Variants in ICA1 observed in about 807,000 individuals in gnomAD.
ICA1 encodes 69 kDa islet cell autoantigen.
Under a neutral mutation model 71.0 loss-of-function variants are expected in ICA1, and 40 were observed. The ratio of observed to expected loss-of-function variants is 0.56; its 90% confidence interval spans 0.44 to 0.73. The LOEUF (loss-of-function observed/expected upper bound fraction) is 0.73. ICA1 is among the 30% of genes least tolerant of loss of function. ICA1 has a pLI of 0.00. For missense variants in ICA1, 578 were observed against 576.5 expected (o/e 1.00, Z -0.03); for synonymous variants, 207 against 209.5 (o/e 0.99, Z 0.10).
chr7:8,202,615 G>T (rs955969261), intron 6 of ICA1, among the ~76,000 whole-genome samples: 1 of 152,174 alleles, frequency 6.6e-6, no homozygotes, highest in African/African-American at 2.4e-5. Flanking sequence ...CACAAGCACA[G>T]AAATGCCATT....
chr7:8,117,039 G>T (rs548563422), intron 13 of ICA1, among the ~76,000 whole-genome samples: 1 of 152,178 alleles, frequency 6.6e-6, no homozygotes, highest in Non-Finnish European at 1.5e-5. Flanking sequence ...CCCCCATGCT[G>T]TTCTCCTGAT....
chr7:8,252,609 T>C (rs1372755294), intron 1 of ICA1, among the ~76,000 whole-genome samples: 1 of 151,654 alleles, frequency 6.6e-6, no homozygotes, highest in Admixed American at 6.6e-5. Flanking sequence ...TTTGAAGACT[T>C]AGTAACAAAA....
chr7:8,158,725 C>A, intron 6 of ICA1, 73 bp from the exon 7 acceptor site: 2 of 1,427,248 alleles, frequency 1.4e-6, no homozygotes, highest in South Asian at 1.2e-5. Flanking sequence ...GAAATGAGAC[C>A]AACAGCAGGC....
chr7:8,227,216 G>T (rs1798851846), intron 4 of ICA1, among the ~76,000 whole-genome samples: 2 of 152,256 alleles, frequency 1.3e-5, no homozygotes, highest in Admixed American at 1.3e-4. Flanking sequence ...ATCTGATCGG[G>T]TTTAAAAGTG....
Position 8,234,787 on chromosome 7 carries a change from G to T in ICA1, c.17+1123C>A, listed in dbSNP as rs960044938. On this transcript the variant is annotated intron_variant, in intron 2 of 13. Coordinates refer to ENST00000402384, the MANE Select transcript of ICA1 (RefSeq NM_001136020.3). The surrounding 1 kb of genome is among the most constrained non-coding windows in gnomAD (Gnocchi z 4.5). ...TTATGTAAAAGATAATCTCTCTATA[G>T]AATATGCACATTAAAAGGTTGGAAG... Among the ~76,000 whole-genome samples, 14 of 152,128 alleles carry T rather than the reference G, an allele frequency of 9.2e-5. No homozygotes were observed. Among genetic ancestry groups the T allele is most frequent in the African/African-American group, 3.1e-4 (13 of 41,422 alleles).
chr7:8,148,381 T>G (rs895664935), intron 8 of ICA1, among the ~76,000 whole-genome samples: 2 of 152,172 alleles, frequency 1.3e-5, no homozygotes, highest in Non-Finnish European at 2.9e-5. Flanking sequence ...CACCAAGAAT[T>G]GGGTAAAGAA....
intron 6 of ICA1, among the ~76,000 whole-genome samples, chr7:8,184,232 A>G (rs1041662480): frequency 3.3e-5 from 5 of 152,178 alleles, no homozygotes; most frequent in Admixed American, 1.3e-4. Context: ...TGCATTTCCT[A>G]TGGAAAATGC....
chr7:8,153,995 A>AT (rs1800611332), intron 8 of ICA1, among the ~76,000 whole-genome samples: 3 of 151,712 alleles, frequency 2.0e-5, no homozygotes, highest in Non-Finnish European at 4.4e-5. Flanking sequence ...TCAGATTAAA[A>AT]TTTTTTAAAT....
At chr7:8,233,622 C>G (rs1800942166) in intron 2 of ICA1, among the ~76,000 whole-genome samples, 1 of 151,986 alleles carries the variant, frequency 6.6e-6, no homozygotes, top group African/African-American at 2.4e-5. Context: ...TCTCCAACTC[C>G]TGACCTCAGA....
chr7:8,198,694 T>C (rs1788523404), intron 6 of ICA1, among the ~76,000 whole-genome samples: 1 of 152,122 alleles, frequency 6.6e-6, no homozygotes. Context: ...AATCTGATGA[T>C]TTGTTGGATG....
intron 2 of ICA1, among the ~76,000 whole-genome samples, chr7:8,233,998 G>A (rs1434758861): frequency 6.6e-6 from 1 of 152,126 alleles, no homozygotes; most frequent in Non-Finnish European, 1.5e-5. Flanking sequence ...CCAGGCAGGA[G>A]GACTGCTTGA....
chr7:8,140,978 G>C (rs1440359352), intron 10 of ICA1, among the ~76,000 whole-genome samples: 1 of 152,204 alleles, frequency 6.6e-6, no homozygotes, highest in Admixed American at 6.5e-5. Flanking sequence ...TATGTCCCCA[G>C]GGGGACCAGG....
intron 5 of ICA1, among the ~76,000 whole-genome samples, chr7:8,220,630 T>G (rs991482214): frequency 6.6e-6 from 1 of 151,052 alleles, no homozygotes; most frequent in African/African-American, 2.4e-5. Context: ...ACATCCACCA[T>G]AAAAATGAGT....
At chr7:8,260,012 G>C (rs1360077858) in intron 1 of ICA1, among the ~76,000 whole-genome samples, 5 of 152,080 alleles carry the variant, frequency 3.3e-5, no homozygotes, top group Non-Finnish European at 5.9e-5. Flanking sequence ...AAGGACACTA[G>C]TGACCAGCGT....
At chr7:8,250,970 A>G (rs745583915) in intron 1 of ICA1, among the ~76,000 whole-genome samples, 3 of 112,690 alleles carry the variant, frequency 2.7e-5, no homozygotes, top group African/African-American at 5.8e-5. Flanking sequence ...GTGACATTAC[A>G]GCTCATGCAG....
intron 6 of ICA1, among the ~76,000 whole-genome samples, chr7:8,165,212 T>C (rs1805463774): frequency 6.6e-6 from 1 of 152,248 alleles, no homozygotes; most frequent in Admixed American, 6.5e-5. Flanking sequence ...TTTTGCTGAA[T>C]TCCTTTAATT....
At chr7:8,149,797 C>G (rs566673022) in intron 8 of ICA1, among the ~76,000 whole-genome samples, 1 of 152,018 alleles carries the variant, frequency 6.6e-6, no homozygotes, top group Non-Finnish European at 1.5e-5. Context: ...TAAAAGTGTT[C>G]AAAATAGTGG....
chr7:8,241,090 A>G (rs1583671872), intron 1 of ICA1, among the ~76,000 whole-genome samples: 1 of 152,292 alleles, frequency 6.6e-6, no homozygotes, highest in East Asian at 1.9e-4. Flanking sequence ...CCTTGAGAAG[A>G]GCAACCCCAA....
At chr7:8,219,743 T>C (rs1422236394) in intron 5 of ICA1, among the ~76,000 whole-genome samples, 1 of 152,238 alleles carries the variant, frequency 6.6e-6, no homozygotes, top group Non-Finnish European at 1.5e-5. Flanking sequence ...CAAATAAGTC[T>C]GTAAAACAAA....
Sources: allele counts gnomAD v4.1 joint callset (sites outside exome capture counted in the v4.1 genomes callset), GRCh38; gene constraint gnomAD v4.1.1; non-coding constraint Gnocchi (gnomAD v3.1); transcripts MANE v1.5; gene names NCBI Gene and HGNC (gene_info 2026-07-23, HGNC 2026-07-21).